The following NLRP4 variants were observed in gnomAD, a reference collection of about 807,000 sequenced individuals.
NLRP4 encodes the protein NACHT, LRR and PYD domains-containing protein 4.
A neutral mutation model predicts 84.7 loss-of-function variants in NLRP4; 44 were observed. The ratio of observed to expected loss-of-function variants is 0.52; its 90% CI spans 0.41 to 0.67. The LOEUF (loss-of-function observed/expected upper bound fraction) is 0.67. Among genes scored for constraint, NLRP4 ranks in the 30% least tolerant of loss-of-function variants. NLRP4 has a pLI of 0.00. For missense variants in NLRP4, 1,260 were observed against 1,219.4 expected (o/e 1.03, Z -0.50); for synonymous variants, 544 against 476.4 (o/e 1.14, Z -1.85).
At position 55,858,919 on chromosome 19, in the gene NLRP4, A is replaced by T; in HGVS notation, c.1526A>T (p.Lys509Ile). 6.2e-7 allele frequency: 1 copy of T among 1,614,170 alleles called. No homozygotes were observed. Among genetic ancestry groups the T allele is most frequent in the Non-Finnish European group, 8.5e-7 (1 of 1,180,014 alleles). ...TGTTTTCTAACTGGCCTTTTAAATAAAAAGGAACAAGAAAAACTGGATGCG... is the reference window on the plus strand; with the variant it reads ...TGTTTTCTAACTGGCCTTTTAAATATAAAGGAACAAGAAAAACTGGATGCG... ...LGCFLTGLLN[K>I]KEQEKLDAFF... Residue 509 changes from lysine to isoleucine, a missense_variant, in exon 3 of 10, where the codon AAA becomes ATA. This residue lies in a region of NLRP4 where 712 missense variants were observed against 669.2 expected (regional missense o/e 1.06). Coordinates refer to ENST00000301295, the MANE Select transcript of NLRP4 (RefSeq NM_134444.5). The surrounding 1 kb of genome is among the most constrained non-coding windows in gnomAD (Gnocchi z 4.2).
rs1270167750 is a variant in NLRP4, at chr19:55,852,087, G to A, written c.7G>A (p.Ala3Thr). MA[A>T]SFFSDFGLMW... ...TATCTCTGCTCCAGAAAAGATGGCA[G>A]CCTCTTTCTTCTCTGATTTTGGTCT... Residue 3 changes from alanine to threonine, a missense_variant, in exon 2 of 10, where the codon GCC becomes ACC. By Grantham distance (58) the Ala-to-Thr change is moderately conservative (BLOSUM62 0). Transcript: ENST00000301295. 5.7e-6 allele frequency: 9 copies of A among 1,590,590 alleles called. No homozygotes were observed. Among genetic ancestry groups the A allele is most frequent in the Non-Finnish European group, 7.7e-6 (9 of 1,173,516 alleles).
At chr19:55,840,344 A>ATGTGTGTGTGTGTG (rs762148583) in intron 1 of NLRP4, among the ~76,000 whole-genome samples, 155 of 119,716 alleles carry the variant, frequency 1.3e-3, no homozygotes, top group African/African-American at 4.5e-3. Flanking sequence ...GTGTATGTGT[A>ATGTGTGTGTGTGTG]TGTGTGTGTG....
chr19:55,879,891 A>G (rs1326564164), intron 9 of NLRP4, among the ~76,000 whole-genome samples: 1 of 150,698 alleles, frequency 6.6e-6, no homozygotes, highest in African/African-American at 2.4e-5. Context: ...AATACAAGTT[A>G]TATGTATATT....
intron 7 of NLRP4, among the ~76,000 whole-genome samples, chr19:55,875,038 A>T (rs1004264168): frequency 1.3e-5 from 2 of 152,224 alleles, no homozygotes; most frequent in African/African-American, 4.8e-5. Flanking sequence ...TAAAATGCAG[A>T]AAAGTTTGAA....
intron 1 of NLRP4, among the ~76,000 whole-genome samples, chr19:55,849,866 T>TACCGTAGCTGCGGTGTAATG (rs1568657936): frequency 7.2e-6 from 1 of 139,726 alleles, no homozygotes; most frequent in African/African-American, 2.8e-5. Context: ...GCGGTGTAAT[T>TACCGTAGCTGCGGTGTAATG]TCCGTGGCCG....
intron 1 of NLRP4, among the ~76,000 whole-genome samples, chr19:55,851,599 C>CGGTGTAATGTCCGTGGCTGT: frequency 7.5e-6 from 1 of 133,790 alleles, no homozygotes. Flanking sequence ...TCCGAGGCTG[C>CGGTGTAATGTCCGTGGCTGT]GGTGTAATGT....
rs1568657928 is a variant in NLRP4 at position 55,849,863 on chromosome 19, AATTTCCGTG to A, written c.-65-2152_-65-2144del. Among the ~76,000 whole-genome samples, 98 of 138,712 alleles carry A rather than the reference AATTTCCGTG, an allele frequency of 7.1e-4. 2 individuals are homozygous for A. Among genetic ancestry groups the A allele is most frequent in the African/African-American group, 2.2e-3 (76 of 34,660 alleles). 91.0% of individuals were successfully genotyped at this position (138,712 alleles called of 152,430 possible). A position where few individuals can be genotyped will look rare whatever the true frequency, so the allele number is the denominator to read the frequency against. ...GGTGTAATTTCCGAGACTGCGGTGT[AATTTCCGTG>A]GCCGCGGTGTAATTTCCGTGGCCGG... is the stretch of plus-strand genomic sequence containing the variant. On this transcript the variant is annotated intron_variant, in intron 1 of 9. Transcript: ENST00000301295.
chr19:55,840,705 C>T (rs537780444), intron 1 of NLRP4, among the ~76,000 whole-genome samples: 1 of 152,048 alleles, frequency 6.6e-6, no homozygotes, highest in Non-Finnish European at 1.5e-5. Flanking sequence ...GCTGATCATT[C>T]GTATATTTTA....
Position 55,842,969 on chromosome 19 carries a change from C to A in NLRP4, c.-66+6035C>A, listed in dbSNP as rs371656169. Among the ~76,000 whole-genome samples, 90 of 151,206 alleles carry A rather than the reference C, an allele frequency of 6.0e-4. No homozygotes were observed. In the East Asian group the frequency reaches 0.016, roughly 27 times the overall value. ...AGAGATGGGGTTTCACCGTGTTAGC[C>A]AGGATGGTCTTGATCTCCTGACCTC... is the stretch of plus-strand genomic sequence containing the variant. On this transcript the variant is annotated intron_variant, in intron 1 of 9. Transcript: ENST00000301295.
intron 1 of NLRP4, among the ~76,000 whole-genome samples, chr19:55,851,752 A>C: frequency 6.6e-6 from 1 of 151,158 alleles, no homozygotes; most frequent in East Asian, 1.9e-4. Context: ...TGTAATTTCC[A>C]AAAATGTAAA....
At chr19:55,873,264 C>G (rs192915179) in intron 7 of NLRP4, among the ~76,000 whole-genome samples, 1 of 151,982 alleles carries the variant, frequency 6.6e-6, no homozygotes, top group African/African-American at 2.4e-5. Context: ...ATAATACCAT[C>G]TTGAAGATTT....
At chr19:55,867,633 C>A (rs1985011688) in intron 5 of NLRP4, 76 bp from the exon 6 acceptor site, 2 of 1,382,104 alleles carry the variant, frequency 1.4e-6, no homozygotes, top group South Asian at 2.6e-5. Flanking sequence ...GGCTTCCCGA[C>A]TCTGACAGGA....
intron 6 of NLRP4, among the ~76,000 whole-genome samples, chr19:55,869,377 AT>A (rs1985085536): frequency 1.2e-5 from 1 of 80,208 alleles, no homozygotes; most frequent in Admixed American, 1.5e-4. Flanking sequence ...AAAACAAAAA[AT>A]AAACCAAAAA....
chr19:55,841,242 T>C (rs1983602938), intron 1 of NLRP4, among the ~76,000 whole-genome samples: 2 of 152,230 alleles, frequency 1.3e-5, no homozygotes, highest in Non-Finnish European at 2.9e-5. Context: ...GCTTTCTAAC[T>C]GTAAGCGTGC....
rs757933679 is a variant in NLRP4 at position 55,857,852 on chromosome 19, T to G, written c.459T>G (p.Ile153Met). 6.2e-7 allele frequency: 1 copy of G among 1,613,946 alleles called. No individual in the cohort carries two copies. The highest frequency in any genetic ancestry group is 2.2e-5 in the East Asian group (1 of 44,874). ...GGAAACAGCCACGTACAGTGATCAT[T>G]CAAGGACCACAAGGAATTGGAAAAA... ...EAGKQPRTVI[I>M]QGPQGIGKTT... is the part of the protein sequence containing the mutation. The change falls in exon 3 of 10, where the codon ATT (isoleucine) becomes ATG (methionine). Residue 153 changes from isoleucine to methionine, a missense_variant. This residue lies in a region of NLRP4 where 712 missense variants were observed against 669.2 expected (regional missense o/e 1.06). Transcript: ENST00000301295.
At chr19:55,853,885 C>CTCTCTCTCTCTCTCTTTTTCTT (rs1984291024) in intron 2 of NLRP4, among the ~76,000 whole-genome samples, 2 of 122,150 alleles carry the variant, frequency 1.6e-5, no homozygotes, top group Non-Finnish European at 3.2e-5. Flanking sequence ...CTCTTGCTAT[C>CTCTCTCTCTCTCTCTTTTTCTT]TCTTTCTCTC....
At position 55,858,119 on chromosome 19, in the gene NLRP4, A is replaced by T. The variant is rs1333641684; in HGVS notation, c.726A>T (p.Glu242Asp). The change falls in exon 3 of 10, where the codon GAA becomes GAT. Residue 242 changes from glutamate (E) to aspartate (D), a missense_variant. Physicochemically the swap from Glu to Asp is conservative, Grantham distance 45 (BLOSUM62 2). Around this residue, in one of 3 missense-constraint regions of NLRP4, gnomAD observed 712 missense variants for 669.2 expected, o/e 1.06. Coordinates refer to ENST00000301295, the MANE Select transcript of NLRP4 (RefSeq NM_134444.5). This position sits in a 1 kb window ranked among gnomAD's most constrained non-coding sequence, Gnocchi z 4.2. ...AAGAGCTGCAGGGCGGCTTGAACGA[A>T]CCCGATTCGGATCTGTGTGGTGACT... ...SFEELQGGLN[E>D]PDSDLCGDLM... is the part of the protein sequence containing the mutation. The T allele has an allele frequency of 3.7e-6, 6 of 1,613,892 alleles. No individual in the cohort carries two copies. In the African/African-American group the frequency reaches 5.3e-5, roughly 14 times the overall value.
chr19:55,881,657 A>G lies in NLRP4; in HGVS notation c.*70A>G. ...GGACTGGGACCGTTACTTACATGACACTGCACCCAGGAGATACAAATCATT... is the reference window on the plus strand; with the variant it reads ...GGACTGGGACCGTTACTTACATGACGCTGCACCCAGGAGATACAAATCATT... On this transcript the variant is annotated 3_prime_UTR_variant, in exon 10 of 10. Coordinates refer to ENST00000301295, the MANE Select transcript of NLRP4 (RefSeq NM_134444.5). 1 of 730,026 alleles carries G rather than the reference A, an allele frequency of 1.4e-6. No individual in the cohort carries two copies. Among genetic ancestry groups the G allele is most frequent in the Non-Finnish European group, 2.4e-6 (1 of 412,850 alleles). The allele number at this position is 730,026 out of a possible 1,614,324, so 45.2% of individuals were successfully genotyped here.
At chr19:55,842,848 C>T (rs1983662190) in intron 1 of NLRP4, among the ~76,000 whole-genome samples, 2 of 152,038 alleles carry the variant, frequency 1.3e-5, no homozygotes, top group African/African-American at 4.8e-5. Flanking sequence ...CAAGCTCTGC[C>T]TCCCGGGTTC....
Sources: gnomAD v4.1 joint callset for allele counts (sites outside exome capture counted in the v4.1 genomes callset) on GRCh38, gnomAD v4.1.1 for gene constraint, gnomAD v4.1.1 regional missense constraint, Gnocchi (gnomAD v3.1) non-coding constraint, MANE v1.5 for transcripts, NCBI Gene and HGNC (gene_info 2026-07-23, HGNC 2026-07-21) for gene names.